Variants in USP48 observed in about 807,000 individuals in gnomAD.
The protein encoded by USP48 is ubiquitin carboxyl-terminal hydrolase 48.
In USP48, 43 loss-of-function variants were observed where a neutral mutation model predicts 150.7. The ratio of observed to expected loss-of-function variants is 0.29; its 90% CI spans 0.22 to 0.37. The LOEUF (loss-of-function observed/expected upper bound fraction) is 0.37. Ranked by LOEUF, USP48 falls within the 10% of genes least tolerant of loss-of-function variation. USP48 has a pLI of 1.00. For missense variants in USP48, 813 were observed against 1,249.6 expected (o/e 0.65, Z 5.27); for synonymous variants, 396 against 425.9 (o/e 0.93, Z 0.86).
intron 14 of USP48, among the ~76,000 whole-genome samples, chr1:21,719,828 G>A (rs749059734): frequency 1.1e-4 from 17 of 152,082 alleles, no homozygotes; most frequent in Non-Finnish European, 2.2e-4. Context: ...AGATTGCAGG[G>A]AGCCGAGACT....
At chr1:21,742,828 G>A (rs1053359114) in intron 8 of USP48, among the ~76,000 whole-genome samples, 4 of 152,020 alleles carry the variant, frequency 2.6e-5, no homozygotes, top group African/African-American at 9.7e-5. Context: ...TAGCCCTAGG[G>A]GAATCCCCAT....
intron 22 of USP48, among the ~76,000 whole-genome samples, chr1:21,698,442 T>C (rs937987848): frequency 6.6e-5 from 10 of 152,170 alleles, no homozygotes; most frequent in Non-Finnish European, 1.5e-4. Context: ...TGATTCCACA[T>C]ACACTTTGAA....
At chr1:21,733,054 C>T (rs1477584270) in intron 9 of USP48, among the ~76,000 whole-genome samples, 1 of 152,164 alleles carries the variant, frequency 6.6e-6, no homozygotes, top group Non-Finnish European at 1.5e-5. Context: ...GATCACTGTA[C>T]TGTCACAGGG....
At chr1:21,703,404 G>A in intron 21 of USP48, 108 bp downstream of exon 21, 2 of 670,830 alleles carry the variant, frequency 3.0e-6, no homozygotes, top group Admixed American at 2.8e-5. Flanking sequence ...CAGCTCTGAA[G>A]GAACAAAAAT....
intron 1 of USP48, among the ~76,000 whole-genome samples, chr1:21,780,906 T>C (rs1046955908): frequency 6.6e-6 from 1 of 150,482 alleles, no homozygotes; most frequent in African/African-American, 2.4e-5. Flanking sequence ...CACCCCCGGC[T>C]AATTTTTGTA....
intron 23 of USP48, 25 bp from the exon 24 acceptor site, chr1:21,690,124 G>A (rs1209188881): frequency 6.3e-7 from 1 of 1,597,254 alleles, no homozygotes; most frequent in Non-Finnish European, 8.5e-7. Context: ...AAGAGAGAAA[G>A]TCCGTATAAT....
intron 11 of USP48, chr1:21,726,403 T>A (rs2097737283): frequency 6.6e-6 from 1 of 152,208 alleles, no homozygotes; most frequent in South Asian, 2.1e-4. Flanking sequence ...ATACAATGAT[T>A]AGAAAAACTA....
chr1:21,679,584 CAA>C, intron 26 of USP48, 145 bp from the exon 27 acceptor site: 1 of 973,720 alleles, frequency 1.0e-6, no homozygotes, highest in Non-Finnish European at 1.6e-6. Flanking sequence ...GAGGATAAGA[CAA>C]AATACCAGCA....
In USP48 at chr1:21,775,700, T is replaced by C. The variant is rs995289470; in HGVS notation, c.134+7124A>G. Among the ~76,000 whole-genome samples the C allele has an allele frequency of 1.4e-4, 21 of 152,272 alleles. No homozygotes were observed. In the East Asian group the frequency reaches 3.9e-3, roughly 28 times the overall value. ...TTCCCTAATGAGAACAAAACAGACA[T>C]TGTACTCCCTATACACGGCTGGAAG... On this transcript the variant is annotated intron_variant, in intron 1 of 26. Coordinates refer to ENST00000308271, the MANE Select transcript of USP48 (RefSeq NM_032236.8).
rs562195299 is a variant in USP48 at position 21,688,510 on chromosome 1, C to G, written c.3010-1271G>C. Reference sequence around the variant, plus strand: ...TTAGGATTACAGGGGTGAGCCACTGCGCCCAGTGAAAGTAGGGGCTTCTAA... The same window carrying G: ...TTAGGATTACAGGGGTGAGCCACTGGGCCCAGTGAAAGTAGGGGCTTCTAA... On this transcript the variant is annotated intron_variant, in intron 24 of 26. Transcript: ENST00000308271. Among the ~76,000 whole-genome samples, 19 of 151,704 alleles carry G rather than the reference C, an allele frequency of 1.3e-4. No individual in the cohort carries two copies. In the South Asian group the frequency reaches 3.7e-3, roughly 30 times the overall value.
At chr1:21,702,088 T>C (rs2097658683) in intron 21 of USP48, among the ~76,000 whole-genome samples, 1 of 152,170 alleles carries the variant, frequency 6.6e-6, no homozygotes, top group African/African-American at 2.4e-5. Flanking sequence ...TACATCTAAA[T>C]TGGATAATAT....
chr1:21,689,885 C>A, intron 24 of USP48, 89 bp downstream of exon 24: 1 of 1,530,418 alleles, frequency 6.5e-7, no homozygotes, highest in Non-Finnish European at 8.8e-7. Flanking sequence ...AGACCCAAGG[C>A]ATCCTTTAAC....
chr1:21,701,157 G>C (rs1472346842), intron 22 of USP48, among the ~76,000 whole-genome samples: 1 of 150,790 alleles, frequency 6.6e-6, no homozygotes, highest in Non-Finnish European at 1.5e-5. Flanking sequence ...ACGAGGTCAG[G>C]AGTTCGAGAC....
At position 21,699,430 on chromosome 1, in the gene USP48, C is replaced by T. The variant is rs1480492482; in HGVS notation, c.2727+2068G>A. Among the ~76,000 whole-genome samples the T allele has an allele frequency of 4.0e-5, 6 of 150,788 alleles. No individual in the cohort carries two copies. In the East Asian group the frequency reaches 9.8e-4, roughly 25 times the overall value. ...AGCCAGGATGGTCTCAATCTCCTGACCTCGTGATCTGCCCGCCTCAGCCTC... is the reference window on the plus strand; with the variant it reads ...AGCCAGGATGGTCTCAATCTCCTGATCTCGTGATCTGCCCGCCTCAGCCTC... On this transcript the variant is annotated intron_variant, in intron 22 of 26. Transcript: ENST00000308271.
intron 15 of USP48, among the ~76,000 whole-genome samples, chr1:21,709,547 G>A (rs983564331): frequency 1.3e-5 from 2 of 151,180 alleles, no homozygotes; most frequent in African/African-American, 4.9e-5. Flanking sequence ...AGAACTCCAC[G>A]GCAACTACAA....
At chr1:21,730,873 GC>G (rs1045974238) in intron 9 of USP48, among the ~76,000 whole-genome samples, 70 of 150,884 alleles carry the variant, frequency 4.6e-4, no homozygotes, top group African/African-American at 1.6e-3. Context: ...CGATTCTCAT[GC>G]CTCAGCCTCT....
intron 11 of USP48, among the ~76,000 whole-genome samples, chr1:21,725,416 T>C (rs1020128141): frequency 6.6e-6 from 1 of 152,276 alleles, no homozygotes; most frequent in Non-Finnish European, 1.5e-5. Context: ...AAAAGAGATA[T>C]GGAAAAGTTA....
chr1:21,754,908 A>G (rs12079875), intron 3 of USP48, among the ~76,000 whole-genome samples: 4,950 of 152,214 alleles, frequency 0.033, 283 homozygotes, highest in African/African-American at 0.11. Flanking sequence ...CACCCAGTGC[A>G]TCCCAGCAGT....
chr1:21,715,828 G>C (rs2097702553), intron 14 of USP48, among the ~76,000 whole-genome samples: 1 of 152,062 alleles, frequency 6.6e-6, no homozygotes, highest in Admixed American at 6.5e-5. Context: ...TACACTTTTT[G>C]GGGGTGAACA....
Sources: gnomAD v4.1 joint callset for allele counts (sites outside exome capture counted in the v4.1 genomes callset) on GRCh38, gnomAD v4.1.1 for gene constraint, MANE v1.5 for transcripts, NCBI Gene and HGNC (gene_info 2026-07-23, HGNC 2026-07-21) for gene names.